Variants in MACROH2A1 observed in about 807,000 individuals in gnomAD.
MACROH2A1 encodes core histone macro-H2A.1.
Under a neutral mutation model 31.6 loss-of-function variants are expected in MACROH2A1, and 2 were observed. The ratio of observed to expected loss-of-function variants is 0.06; its 90% CI spans 0.03 to 0.20. MACROH2A1 has a LOEUF of 0.20. Ranked by LOEUF, MACROH2A1 falls within the 10% of genes least tolerant of loss-of-function variation. The pLI is 1.00. For missense variants in MACROH2A1, 230 were observed against 474.0 expected, an observed-to-expected ratio of 0.49 and a Z score of 4.78; for synonymous variants, 169 against 189.6, an observed-to-expected ratio of 0.89 and a Z score of 0.89.
At chr5:135,384,537 G>A (rs1283206445) in intron 2 of MACROH2A1, among the ~76,000 whole-genome samples, 2 of 152,210 alleles carry the variant, frequency 1.3e-5, no homozygotes, top group East Asian at 3.8e-4. Flanking sequence ...AACTGCACAA[G>A]GATTGGCCAA....
At chr5:135,384,188 G>A (rs1017138162) in intron 2 of MACROH2A1, among the ~76,000 whole-genome samples, 2 of 152,186 alleles carry the variant, frequency 1.3e-5, no homozygotes, top group African/African-American at 4.8e-5. Flanking sequence ...CAGTGTAACA[G>A]GATGTGCTGC....
At chr5:135,394,837 A>G (rs1767746091) in intron 1 of MACROH2A1, among the ~76,000 whole-genome samples, 1 of 152,198 alleles carries the variant, frequency 6.6e-6, no homozygotes, top group Non-Finnish European at 1.5e-5. Flanking sequence ...CCCGGTAGAC[A>G]TGCACATGCC....
Position 135,355,163 on chromosome 5 carries a change from G to C in MACROH2A1, c.589-2118C>G, listed in dbSNP as rs1228351398. The C allele has an allele frequency of 1.1e-5, 5 of 455,926 alleles. No homozygotes were observed. The East Asian group carries it at 2.8e-4, about 25-fold the overall frequency. The allele number at this position is 455,926 out of a possible 1,614,324, so 28.2% of individuals were successfully genotyped here. ...GTGGCCTGTATCTGACTCTCTTCGC[G>C]GGAGAACCACCTGCTCTGTCTAGGG... is the stretch of plus-strand genomic sequence containing the variant. On this transcript the variant is annotated intron_variant, in intron 5 of 8. Coordinates refer to ENST00000511689, the MANE Select transcript of MACROH2A1 (RefSeq NM_138610.3).
chr5:135,348,336 T>C (rs1194871296), intron 6 of MACROH2A1, among the ~76,000 whole-genome samples: 1 of 152,234 alleles, frequency 6.6e-6, no homozygotes, highest in Non-Finnish European at 1.5e-5. Flanking sequence ...TAAACATGTG[T>C]TACTCCCATG....
At position 135,369,312 on chromosome 5, in the gene MACROH2A1, G is replaced by A. The variant is rs915604649; in HGVS notation, c.477+94C>T. The A allele has an allele frequency of 4.1e-6, 4 of 973,224 alleles. No individual in the cohort carries two copies. The highest frequency in any genetic ancestry group is 3.2e-5 in the African/African-American group (2 of 62,036). 60.3% of individuals were successfully genotyped at this position (973,224 alleles called of 1,614,324 possible). A position where few individuals can be genotyped will look rare whatever the true frequency, so the allele number is the denominator to read the frequency against. Reference sequence around the variant, plus strand: ...TCCTTTATTCTCCCATCAGTGGGATGAGCCCACAGGGGGAATGAGGGGGGT... The same window carrying A: ...TCCTTTATTCTCCCATCAGTGGGATAAGCCCACAGGGGGAATGAGGGGGGT... On this transcript the variant is annotated intron_variant, in intron 4 of 8. Coordinates refer to ENST00000511689, the MANE Select transcript of MACROH2A1 (RefSeq NM_138610.3). The surrounding 1 kb of genome is among the most constrained non-coding windows in gnomAD (Gnocchi z 4.3).
rs965396378 is a variant in MACROH2A1 at position 135,398,458 on chromosome 5, T to C, written c.-34+604A>G. ...CCCGTGGCCCCTCTCCAGCCCATCC[T>C]TGGACCACTCCCCAACCCGGTCCCC... is the stretch of plus-strand genomic sequence containing the variant. On this transcript the variant is annotated intron_variant, in intron 1 of 8. Transcript: ENST00000511689. The surrounding 1 kb of genome is among the most constrained non-coding windows in gnomAD (Gnocchi z 4.6). Among the ~76,000 whole-genome samples, 7 of 151,736 alleles carry C rather than the reference T, an allele frequency of 4.6e-5. No homozygotes were observed. The highest frequency in any genetic ancestry group is 1.5e-4 in the African/African-American group (6 of 41,266).
chr5:135,371,024 G>A (rs1452495755), intron 2 of MACROH2A1, among the ~76,000 whole-genome samples: 1 of 152,136 alleles, frequency 6.6e-6, no homozygotes, highest in Non-Finnish European at 1.5e-5. Flanking sequence ...AAGCAAATAT[G>A]GCAAAATGTT....
At chr5:135,336,277 C>T (rs943974209) in intron 8 of MACROH2A1, among the ~76,000 whole-genome samples, 2 of 152,236 alleles carry the variant, frequency 1.3e-5, no homozygotes, top group Admixed American at 6.5e-5. Flanking sequence ...AACATCTCAG[C>T]GATCCACTGT....
At chr5:135,364,731 T>C (rs1046613666) in intron 4 of MACROH2A1, among the ~76,000 whole-genome samples, 1 of 152,234 alleles carries the variant, frequency 6.6e-6, no homozygotes, top group African/African-American at 2.4e-5. Flanking sequence ...TTTAGTCTCT[T>C]ATTCTAATGT....
intron 2 of MACROH2A1, among the ~76,000 whole-genome samples, chr5:135,378,043 A>G (rs927251271): frequency 6.6e-6 from 1 of 152,044 alleles, no homozygotes; most frequent in Non-Finnish European, 1.5e-5. Flanking sequence ...CTGCTTGTCT[A>G]AGGATTTGCC....
intron 5 of MACROH2A1, chr5:135,354,632 A>T: frequency 5.2e-6 from 1 of 194,100 alleles, no homozygotes; most frequent in South Asian, 9.8e-5. Context: ...CCCTGGCACC[A>T]GGACAGAGGC....
At chr5:135,341,778 G>GAA (rs761547000) in intron 8 of MACROH2A1, among the ~76,000 whole-genome samples, 12 of 152,262 alleles carry the variant, frequency 7.9e-5, no homozygotes, top group Non-Finnish European at 1.5e-4. Flanking sequence ...AGTTTGGAAG[G>GAA]AAAGTGCTTT....
chr5:135,336,432 G>A (rs1470385796), intron 8 of MACROH2A1, among the ~76,000 whole-genome samples: 1 of 152,220 alleles, frequency 6.6e-6, no homozygotes, highest in Non-Finnish European at 1.5e-5. Context: ...GACAAGAGAT[G>A]TGCCCCCAGC....
chr5:135,353,963 GCTTTT>G (rs1303744067), intron 5 of MACROH2A1: 1 of 152,216 alleles, frequency 6.6e-6, no homozygotes, highest in African/African-American at 2.4e-5. Context: ...TATTCCCCTT[GCTTTT>G]CTTTAGGTAT....
chr5:135,371,372 G>C (rs1030383931), intron 2 of MACROH2A1, among the ~76,000 whole-genome samples: 1 of 152,196 alleles, frequency 6.6e-6, no homozygotes, highest in African/African-American at 2.4e-5. Flanking sequence ...AAATATGTAA[G>C]GTGATGAAAT....
intron 6 of MACROH2A1, among the ~76,000 whole-genome samples, chr5:135,349,774 A>C (rs991115023): frequency 6.6e-6 from 1 of 152,202 alleles, no homozygotes; most frequent in Admixed American, 6.5e-5. Context: ...TTACTATAAA[A>C]ATTATATATA....
At chr5:135,396,378 C>T (rs1191798232) in intron 1 of MACROH2A1, among the ~76,000 whole-genome samples, 1 of 152,188 alleles carries the variant, frequency 6.6e-6, no homozygotes, top group Non-Finnish European at 1.5e-5. Context: ...GCTCAAAACC[C>T]TTCAGTTGCT....
Position 135,388,897 on chromosome 5 carries a change from T to C in MACROH2A1, c.172+25A>G, listed in dbSNP as rs991431570. 3.8e-6 allele frequency: 6 copies of C among 1,565,106 alleles called. No homozygotes were observed. The African/African-American group carries it at 8.1e-5, about 21-fold the overall frequency. ...ACTTCTGCATCTTAAGCCAGTGGTG[T>C]CTGGGTTGACTGAGGTACACTCACC... is the stretch of plus-strand genomic sequence containing the variant. On this transcript the variant is annotated intron_variant, in intron 2 of 8. Coordinates refer to ENST00000511689, the MANE Select transcript of MACROH2A1 (RefSeq NM_138610.3).
At chr5:135,357,759 C>T in intron 5 of MACROH2A1, 1 of 984,486 alleles carries the variant, frequency 1.0e-6, no homozygotes, top group Non-Finnish European at 1.2e-6. Flanking sequence ...TAAAACAATT[C>T]AACAATGTGT....
Sources: allele counts gnomAD v4.1 joint callset (sites outside exome capture counted in the v4.1 genomes callset), GRCh38; gene constraint gnomAD v4.1.1; non-coding constraint Gnocchi (gnomAD v3.1); transcripts MANE v1.5; gene names NCBI Gene and HGNC (gene_info 2026-07-23, HGNC 2026-07-21).